GYPE: variants seen among roughly 807,000 people sequenced by gnomAD.
GYPE encodes the protein glycophorin-E.
GYPE carries 8 observed loss-of-function variants against 11.6 expected under a neutral mutation model. That is an observed-to-expected ratio of 0.69 (90% CI 0.41 to 1.25). The LOEUF (loss-of-function observed/expected upper bound fraction) is 1.25, where lower values mean the gene tolerates loss of function less well. Ranked by LOEUF, GYPE falls within the 50% of genes most tolerant of loss-of-function variation. The probability of loss-of-function intolerance (pLI) is 0.01; values close to 1 mark genes in which losing one functional copy is unlikely to be tolerated. For synonymous variants in GYPE, 28 were observed against 29.6 expected, an observed-to-expected ratio of 0.94 and a Z score of 0.18; for missense variants, 90 against 92.8, an observed-to-expected ratio of 0.97 and a Z score of 0.12.
chr4:143,903,535 A>AG (rs1474637977), intron 1 of GYPE, among the ~76,000 whole-genome samples: 2 of 149,258 alleles, frequency 1.3e-5, no homozygotes, highest in African/African-American at 2.5e-5. Flanking sequence ...AAAAAAAAAA[A>AG]AAAAAAAGAA....
chr4:143,876,629 A>C, intron 3 of GYPE, 117 bp downstream of exon 3: 1 of 644,728 alleles, frequency 1.6e-6, no homozygotes, highest in Non-Finnish European at 2.8e-6. Context: ...CAGTTGAAAA[A>C]GATGGAATTT....
At chr4:143,873,488 A>G in intron 3 of GYPE, 1 of 455,540 alleles carries the variant, frequency 2.2e-6, no homozygotes, top group South Asian at 1.6e-5. Context: ...ACAAGAGAGA[A>G]GAGCCATGAG....
intron 1 of GYPE, among the ~76,000 whole-genome samples, chr4:143,881,243 T>C (rs1287390000): frequency 6.6e-6 from 1 of 151,684 alleles, no homozygotes; most frequent in African/African-American, 2.4e-5. Context: ...TAGACTCATA[T>C]ATATCCTTTT....
At chr4:143,904,290 A>G (rs911323307) in intron 1 of GYPE, among the ~76,000 whole-genome samples, 8 of 152,266 alleles carry the variant, frequency 5.3e-5, no homozygotes, top group African/African-American at 1.9e-4. Flanking sequence ...AATGCATAGT[A>G]AGCTTAACAT....
At chr4:143,888,535 A>G (rs1246681355) in intron 1 of GYPE, among the ~76,000 whole-genome samples, 1 of 148,702 alleles carries the variant, frequency 6.7e-6, no homozygotes, top group Non-Finnish European at 1.5e-5. Flanking sequence ...ACTACTTGAT[A>G]AATGCATCTG....
chr4:143,875,842 C>T (rs1201536399), intron 3 of GYPE, among the ~76,000 whole-genome samples: 2 of 151,960 alleles, frequency 1.3e-5, no homozygotes, highest in Admixed American at 6.6e-5. Context: ...GGAATGGTGG[C>T]CCGCACCTGT....
Position 143,875,560 on chromosome 4 carries a change from C to T in GYPE, c.*9+1186G>A, listed in dbSNP as rs565299726. 4.2e-4 allele frequency: 651 copies of T among 1,550,368 alleles called. 7 individuals carry two copies. In the African/African-American group the frequency reaches 8.0e-3, roughly 19 times the overall value. On this transcript the variant is annotated intron_variant, in intron 3 of 3. Transcript: ENST00000358615. ...ACTTCAGCCTCTGCTTGACCATGAGCTACGCCTCCACTTCAGCCTCTGATT... is the reference window on the plus strand; with the variant it reads ...ACTTCAGCCTCTGCTTGACCATGAGTTACGCCTCCACTTCAGCCTCTGATT...
At chr4:143,892,460 T>C (rs1398617652) in intron 1 of GYPE, among the ~76,000 whole-genome samples, 2 of 151,768 alleles carry the variant, frequency 1.3e-5, no homozygotes, top group Non-Finnish European at 1.5e-5. Context: ...GCTATAAATT[T>C]CCCTCTACAC....
rs1578953959 is a variant in GYPE at position 143,877,540 on chromosome 4, C to G, written c.137-685G>C. 2.6e-5 allele frequency among the ~76,000 whole-genome samples: 4 copies of G among 152,218 alleles called. No homozygotes were observed. In the South Asian group the frequency reaches 8.3e-4, roughly 32 times the overall value. ...GTAAGAGATATTTCCATATTTATAG[C>G]ATATTTGTAGTGCTTCCAGTTGAAG... is the stretch of plus-strand genomic sequence containing the variant. On this transcript the variant is annotated intron_variant, in intron 2 of 3. Coordinates refer to ENST00000358615, the MANE Select transcript of GYPE (RefSeq NM_198682.3).
At chr4:143,900,941 C>G (rs1011327699) in intron 1 of GYPE, among the ~76,000 whole-genome samples, 23 of 152,082 alleles carry the variant, frequency 1.5e-4, no homozygotes, top group African/African-American at 5.3e-4. Flanking sequence ...TTAAATGCTA[C>G]CGATTGTACA....
At chr4:143,874,332 A>C (rs1743718297) in intron 3 of GYPE, among the ~76,000 whole-genome samples, 1 of 152,122 alleles carries the variant, frequency 6.6e-6, no homozygotes, top group South Asian at 2.1e-4. Context: ...CTTTTAATGT[A>C]GAACTGTCTG....
At chr4:143,898,053 A>G (rs1744721342) in intron 1 of GYPE, among the ~76,000 whole-genome samples, 1 of 20,074 alleles carries the variant, frequency 5.0e-5, no homozygotes, top group Non-Finnish European at 1.2e-3. Flanking sequence ...GTTTTGTATT[A>G]AAAGACAGAA....
intron 1 of GYPE, among the ~76,000 whole-genome samples, chr4:143,893,716 C>T (rs1007005313): frequency 2.0e-5 from 3 of 152,056 alleles, no homozygotes; most frequent in African/African-American, 4.8e-5. Flanking sequence ...GTGGGTAACC[C>T]GACCTGTCTC....
At chr4:143,889,883 G>A (rs1744339810) in intron 1 of GYPE, among the ~76,000 whole-genome samples, 1 of 152,144 alleles carries the variant, frequency 6.6e-6, no homozygotes, top group Non-Finnish European at 1.5e-5. Context: ...TGCCCGACTT[G>A]CTTAAGTTCA....
At chr4:143,875,983 A>T (rs950204512) in intron 3 of GYPE, among the ~76,000 whole-genome samples, 8 of 152,092 alleles carry the variant, frequency 5.3e-5, no homozygotes, top group Admixed American at 6.6e-5. Flanking sequence ...CTAAAAAAAA[A>T]AAAATAAAAA....
At chr4:143,892,875 C>T (rs1210117735) in intron 1 of GYPE, among the ~76,000 whole-genome samples, 1 of 150,666 alleles carries the variant, frequency 6.6e-6, no homozygotes, top group African/African-American at 2.4e-5. Flanking sequence ...TGTTAACTTT[C>T]TGTCTCATTG....
chr4:143,905,378 T>C, intron 1 of GYPE, 93 bp downstream of exon 1: 1 of 1,586,578 alleles, frequency 6.3e-7, no homozygotes, highest in Non-Finnish European at 8.6e-7. Context: ...TTTATGCATT[T>C]AAATAAGATA....
rs1174005690 is a variant in GYPE, at chr4:143,876,772, A to G, written c.220T>C (p.Ser74Pro). 6.9e-6 allele frequency: 11 copies of G among 1,602,734 alleles called. No homozygotes were observed. The highest frequency in any genetic ancestry group is 7.7e-6 in the Non-Finnish European group (9 of 1,170,486). The change falls in exon 3 of 4, where the codon TCT (serine) becomes CCT (proline). Residue 74 changes from serine (S) to proline (P), a missense_variant. Coordinates refer to ENST00000358615, the MANE Select transcript of GYPE (RefSeq NM_198682.3). ...LVVVGMIILI[S>P]YCIR ...TTTATCAGTCATCGAATACAGTAAG[A>G]AATTAAGATGATCATTCCAACAACA...
In GYPE at chr4:143,905,501, C is replaced by T; in HGVS notation, c.7G>A (p.Gly3Arg). MY[G>R]KIIFVLLLSG... ...AATAGTAATACAAAGATTATTTTTC[C>T]ATACATCCTGAGATCACGAGCTGGC... Residue 3 changes from glycine (G) to arginine (R), a missense_variant, in exon 1 of 4, where the codon GGA becomes AGA. Coordinates refer to ENST00000358615, the MANE Select transcript of GYPE (RefSeq NM_198682.3). The T allele has an allele frequency of 1.9e-6, 3 of 1,613,134 alleles. No individual in the cohort carries two copies. Among genetic ancestry groups the T allele is most frequent in the South Asian group, 1.1e-5 (1 of 91,036 alleles).
Sources: gnomAD v4.1 joint callset for allele counts (sites outside exome capture counted in the v4.1 genomes callset) on GRCh38, gnomAD v4.1.1 for gene constraint, MANE v1.5 for transcripts, NCBI Gene and HGNC (gene_info 2026-07-23, HGNC 2026-07-21) for gene names.